The following NMT2 variants were observed in gnomAD, a reference collection of about 807,000 sequenced individuals.
The protein encoded by NMT2 is N-myristoyltransferase 2.
NMT2 carries 35 observed loss-of-function variants against 65.4 expected under a neutral mutation model. That is an observed-to-expected ratio of 0.54 (90% CI 0.41 to 0.71). The LOEUF is 0.71. Among genes scored for constraint, NMT2 ranks in the 30% least tolerant of loss-of-function variants. The pLI is 0.00. For missense variants in NMT2, 489 were observed against 611.3 expected (o/e 0.80, Z 2.11); for synonymous variants, 226 against 231.8 (o/e 0.98, Z 0.23).
At chr10:15,168,329 T>A in intron 1 of NMT2, 174 bp downstream of exon 1, 1 of 317,068 alleles carries the variant, frequency 3.2e-6, no homozygotes. Flanking sequence ...CGCACTGCAC[T>A]CTCCCGCGAG....
At position 15,111,708 on chromosome 10, in the gene NMT2, T is replaced by C. The variant is rs553075210; in HGVS notation, c.1338+1088A>G. The C allele has an allele frequency of 1.3e-4, 20 of 152,108 alleles. No homozygotes were observed. The South Asian group carries it at 4.1e-3, about 32-fold the overall frequency. 9.4% of individuals were successfully genotyped at this position (152,108 alleles called of 1,614,324 possible). ...CAGGGTTTTTACCTTAAATAACTAA[T>C]TACTGGCCATATTTGGGAAGTGTTG... is the stretch of plus-strand genomic sequence containing the variant. On this transcript the variant is annotated intron_variant, in intron 10 of 11. Coordinates refer to ENST00000378165, the MANE Select transcript of NMT2 (RefSeq NM_004808.3).
At chr10:15,154,255 G>A (rs1489288471) in intron 1 of NMT2, among the ~76,000 whole-genome samples, 1 of 152,208 alleles carries the variant, frequency 6.6e-6, no homozygotes, top group African/African-American at 2.4e-5. Context: ...TGTCACTGTG[G>A]AAGAAGGGGC....
chr10:15,140,859 G>A (rs887673150), intron 2 of NMT2: 26 of 837,234 alleles, frequency 3.1e-5, no homozygotes, highest in South Asian at 4.7e-5. Context: ...GCCAACACGG[G>A]GCCCAGCTGG....
chr10:15,135,197 T>TGTC, intron 3 of NMT2, 77 bp downstream of exon 3: 3 of 1,297,608 alleles, frequency 2.3e-6, no homozygotes, highest in Non-Finnish European at 3.3e-6. Context: ...TGTGTTTTGT[T>TGTC]GTTGTTGTTG....
At chr10:15,164,331 A>G (rs906322983) in intron 1 of NMT2, among the ~76,000 whole-genome samples, 4 of 152,124 alleles carry the variant, frequency 2.6e-5, no homozygotes, top group Admixed American at 1.3e-4. Flanking sequence ...CTTCCAGTGA[A>G]TATTGAGGGA....
chr10:15,119,251 A>G (rs916762829), intron 9 of NMT2, 92 bp downstream of exon 9: 3 of 1,092,662 alleles, frequency 2.7e-6, no homozygotes, highest in Non-Finnish European at 4.1e-6. Context: ...TCTGTGATGA[A>G]ATAGAAGGAA....
intron 1 of NMT2, among the ~76,000 whole-genome samples, chr10:15,168,003 C>G (rs1429484625): frequency 6.6e-6 from 1 of 152,228 alleles, no homozygotes; most frequent in African/African-American, 2.4e-5. Flanking sequence ...GGCACCTCCA[C>G]GCCGCTCCAC....
chr10:15,139,570 T>G lies in NMT2; in HGVS notation c.246+1852A>C, dbSNP rs567883670. Among the ~76,000 whole-genome samples, 266 of 151,942 alleles carry G rather than the reference T, an allele frequency of 1.8e-3. 1 individual carries two copies. Among genetic ancestry groups the G allele is most frequent in the African/African-American group, 5.9e-3 (246 of 41,450 alleles). On this transcript the variant is annotated intron_variant, in intron 2 of 11. Coordinates refer to ENST00000378165, the MANE Select transcript of NMT2 (RefSeq NM_004808.3). ...AAACGGGAAGAGTGTTTTGCAAGCT[T>G]ATGGTGGTATCCTCTATGAGTTACC...
At chr10:15,120,035 A>C (rs1344725202) in intron 8 of NMT2, among the ~76,000 whole-genome samples, 3 of 152,142 alleles carry the variant, frequency 2.0e-5, no homozygotes, top group African/African-American at 7.2e-5. Context: ...AAAAAACTGG[A>C]TCGTTGCATC....
chr10:15,160,115 G>C (rs898446132), intron 1 of NMT2, among the ~76,000 whole-genome samples: 1 of 152,216 alleles, frequency 6.6e-6, no homozygotes, highest in African/African-American at 2.4e-5. Context: ...GGCGTGAGCA[G>C]TAACAAATTC....
intron 1 of NMT2, among the ~76,000 whole-genome samples, chr10:15,142,579 G>A (rs551002851): frequency 1.3e-5 from 2 of 152,292 alleles, no homozygotes; most frequent in East Asian, 1.9e-4. Context: ...CTGAGCACTT[G>A]AGCTATAGAT....
intron 2 of NMT2, chr10:15,139,892 T>TGC (rs1846677074): frequency 1.1e-5 from 1 of 93,282 alleles, no homozygotes; most frequent in East Asian, 2.6e-4. Context: ...TATATATATA[T>TGC]ATATATATAT....
intron 9 of NMT2, among the ~76,000 whole-genome samples, chr10:15,116,964 C>A (rs1258220623): frequency 6.6e-6 from 1 of 152,198 alleles, no homozygotes; most frequent in Non-Finnish European, 1.5e-5. Flanking sequence ...ATCATTTCAA[C>A]TGGAGAATTC....
At chr10:15,114,475 C>A (rs6602815) in intron 9 of NMT2, among the ~76,000 whole-genome samples, 31,376 of 151,968 alleles carry the variant, frequency 0.21, 7,633 homozygotes, top group African/African-American at 0.59. Context: ...AACAAAAAAA[C>A]CCCGCTCACA....
intron 1 of NMT2, among the ~76,000 whole-genome samples, chr10:15,160,009 A>G (rs1193854526): frequency 5.3e-5 from 8 of 152,216 alleles, no homozygotes; most frequent in African/African-American, 1.9e-4. Flanking sequence ...GGCTTCATGA[A>G]AGAAAGGACA....
At chr10:15,149,550 C>CCATCATCACCAA (rs1564585155) in intron 1 of NMT2, among the ~76,000 whole-genome samples, 2 of 68,052 alleles carry the variant, frequency 2.9e-5, no homozygotes, top group East Asian at 1.0e-3. Context: ...ACCATCACCA[C>CCATCATCACCAA]CATCATCACC....
intron 9 of NMT2, among the ~76,000 whole-genome samples, chr10:15,113,486 A>AAAAAAAAAAAAAG (rs1564558939): frequency 2.0e-5 from 3 of 148,822 alleles, no homozygotes; most frequent in African/African-American, 7.5e-5. Flanking sequence ...AAAAAAAAAA[A>AAAAAAAAAAAAAG]AAAGAAAGAA....
intron 1 of NMT2, among the ~76,000 whole-genome samples, chr10:15,158,248 G>A (rs1833067230): frequency 6.6e-6 from 1 of 151,818 alleles, no homozygotes; most frequent in African/African-American, 2.4e-5. Context: ...CCCAGGAGGT[G>A]GAGGTTGCAG....
chr10:15,141,708 G>A (rs951492947), intron 1 of NMT2, 151 bp from the exon 2 acceptor site: 1 of 1,064,672 alleles, frequency 9.4e-7, no homozygotes, highest in East Asian at 2.6e-5. Context: ...ATAAAAGGTA[G>A]TGGAGTGAAG....
Sources: gnomAD v4.1 joint callset for allele counts (sites outside exome capture counted in the v4.1 genomes callset) on GRCh38, gnomAD v4.1.1 for gene constraint, MANE v1.5 for transcripts, NCBI Gene and HGNC (gene_info 2026-07-23, HGNC 2026-07-21) for gene names.